The following GGNBP2 variants were observed in gnomAD, a reference collection of about 807,000 sequenced individuals.
The protein encoded by GGNBP2 is gametogenetin-binding protein 2.
GGNBP2 carries 10 observed loss-of-function variants against 85.9 expected under a neutral mutation model. The observed-to-expected ratio is 0.12, with a 90% confidence interval of 0.07 to 0.20. The LOEUF (loss-of-function observed/expected upper bound fraction) is 0.20. GGNBP2 is among the 10% of genes least tolerant of loss of function. The pLI is 1.00. For missense variants in GGNBP2, 595 were observed against 857.8 expected (o/e 0.69, Z 3.83); for synonymous variants, 287 against 285.7 (o/e 1.00, Z -0.05).
rs964794175 is a variant in GGNBP2 at position 36,557,091 on chromosome 17, T to A, written c.183T>A (p.Gly61=). The A allele has an allele frequency of 6.2e-7, 1 of 1,614,008 alleles. No homozygotes were observed. The highest frequency in any genetic ancestry group is 1.3e-5 in the African/African-American group (1 of 74,910). ...TTCTTTCCCTCTTTCAGCGACATGG[T>A]ATGCTTAAGCAACAGGATCTAAGTA... ...AQLKQFIQRH[G]MLKQQDLSIA... Residue 61 remains glycine (G), a synonymous_variant, in exon 4 of 14, where the codon GGT becomes GGA. Transcript: ENST00000613102.
chr17:36,570,958 T>G (rs2074517989), intron 6 of GGNBP2, among the ~76,000 whole-genome samples: 1 of 152,060 alleles, frequency 6.6e-6, no homozygotes, highest in Non-Finnish European at 1.5e-5. Flanking sequence ...AGGCAGAGTT[T>G]GCAGTGAGCT....
At chr17:36,558,083 G>C (rs1479772499) in intron 4 of GGNBP2, among the ~76,000 whole-genome samples, 1 of 150,248 alleles carries the variant, frequency 6.7e-6, no homozygotes, top group African/African-American at 2.5e-5. Flanking sequence ...CTGCAGTCCA[G>C]CCAGGGCGAC....
Position 36,576,629 on chromosome 17 carries a change from G to GTGTGTGTGTGTATATA in GGNBP2, c.642-1353_642-1352insGTGTGTGTGTATATAT, listed in dbSNP as rs1203227585. ...TGTGTGTGTGTGTGTGTGTGTGTGTGTATATGTATATATGTATATGTATAT... is the reference window on the plus strand; with the variant it reads ...TGTGTGTGTGTGTGTGTGTGTGTGTGTGTGTGTGTGTATATATATATGTATATATGTATATGTATAT... On this transcript the variant is annotated intron_variant, in intron 6 of 13. Transcript: ENST00000613102. 3.0e-3 allele frequency: 330 copies of GTGTGTGTGTGTATATA among 111,028 alleles called. 1 individual carries two copies. Among genetic ancestry groups the GTGTGTGTGTGTATATA allele is most frequent in the Middle Eastern group, 9.0e-3 (2 of 222 alleles). 6.9% of individuals were successfully genotyped at this position (111,028 alleles called of 1,614,324 possible). A position where few individuals can be genotyped will look rare whatever the true frequency, so the allele number is the denominator to read the frequency against.
At chr17:36,577,412 T>G (rs2074602159) in intron 6 of GGNBP2, 1 of 153,140 alleles carries the variant, frequency 6.5e-6, no homozygotes, top group South Asian at 2.0e-4. Flanking sequence ...AATTTGGCAT[T>G]TTGGAAATAA....
chr17:36,585,225 G>A, intron 9 of GGNBP2, 75 bp from the exon 10 acceptor site: 1 of 1,282,962 alleles, frequency 7.8e-7, no homozygotes, highest in South Asian at 1.3e-5. Flanking sequence ...GATGAAAATA[G>A]TTTTGATCTA....
chr17:36,560,384 G>C (rs1351874114), intron 4 of GGNBP2, among the ~76,000 whole-genome samples: 2 of 152,188 alleles, frequency 1.3e-5, no homozygotes, highest in Admixed American at 6.5e-5. Context: ...CCTCTTCAAG[G>C]ATGTATTGTG....
intron 2 of GGNBP2, among the ~76,000 whole-genome samples, chr17:36,553,021 CA>C (rs56946600): frequency 0.015 from 1,165 of 76,232 alleles, 6 homozygotes; most frequent in African/African-American, 0.038. Context: ...GACTCTGTCT[CA>C]AAAAAAAAAA....
In GGNBP2 at chr17:36,574,536, A is replaced by T. The variant is rs78393548; in HGVS notation, c.642-3447A>T. 3.5e-4 allele frequency: 142 copies of T among 411,238 alleles called. No homozygotes were observed. In the East Asian group the frequency reaches 7.7e-3, roughly 22 times the overall value. The allele number at this position is 411,238 out of a possible 1,614,324, so 25.5% of individuals were successfully genotyped here. On this transcript the variant is annotated intron_variant, in intron 6 of 13. Coordinates refer to ENST00000613102, the MANE Select transcript of GGNBP2 (RefSeq NM_024835.5). ...TGGGTCTTGACGAGATGGTCAGTGA[A>T]TTCCTGACAGGAAGACTTGATGAAT...
At chr17:36,579,729 G>C (rs2074626868) in intron 8 of GGNBP2, among the ~76,000 whole-genome samples, 1 of 152,210 alleles carries the variant, frequency 6.6e-6, no homozygotes, top group Non-Finnish European at 1.5e-5. Flanking sequence ...TAACTAGTGA[G>C]GCTGGGCATG....
intron 12 of GGNBP2, chr17:36,586,712 A>T: frequency 2.9e-6 from 1 of 339,126 alleles, no homozygotes; most frequent in South Asian, 3.2e-5. Flanking sequence ...TCTGCCTCCC[A>T]GGTTCAAACA....
chr17:36,581,281 T>G lies in GGNBP2; in HGVS notation c.1021-63T>G. 4.4e-6 allele frequency: 5 copies of G among 1,147,644 alleles called. No individual in the cohort carries two copies. In the South Asian group the frequency reaches 7.5e-5, roughly 17 times the overall value. 71.1% of individuals were successfully genotyped at this position (1,147,644 alleles called of 1,614,324 possible). On this transcript the variant is annotated intron_variant, in intron 8 of 13. Coordinates refer to ENST00000613102, the MANE Select transcript of GGNBP2 (RefSeq NM_024835.5). The stretch of plus-strand genomic sequence containing the variant: ...GTCTGGGCGACAGAGCAAGATTCCG[T>G]CTCAAAAAAAAAAGAAAAGAAGTTC...
chr17:36,574,044 A>G (rs764435205), intron 6 of GGNBP2, among the ~76,000 whole-genome samples: 1 of 151,796 alleles, frequency 6.6e-6, no homozygotes, highest in Non-Finnish European at 1.5e-5. Flanking sequence ...GTTTGCAAAT[A>G]TTTTTTCCCA....
intron 5 of GGNBP2, among the ~76,000 whole-genome samples, chr17:36,563,874 G>C (rs1418876594): frequency 1.3e-5 from 2 of 151,764 alleles, no homozygotes; most frequent in Non-Finnish European, 2.9e-5. Context: ...CTCCCAAGTA[G>C]CTGGGATTAC....
intron 8 of GGNBP2, 77 bp from the exon 9 acceptor site, chr17:36,581,267 A>T: frequency 1.0e-6 from 1 of 993,766 alleles, no homozygotes; most frequent in East Asian, 2.4e-5. Flanking sequence ...TCTGGGCGAC[A>T]GAGCAAGATT....
intron 6 of GGNBP2, among the ~76,000 whole-genome samples, chr17:36,572,286 A>T (rs952784015): frequency 6.6e-6 from 1 of 152,130 alleles, no homozygotes; most frequent in African/African-American, 2.4e-5. Context: ...GAAAATGTGA[A>T]CTTGCTGTTT....
intron 4 of GGNBP2, 122 bp from the exon 5 acceptor site, chr17:36,560,651 A>G: frequency 1.7e-6 from 1 of 586,794 alleles, no homozygotes; most frequent in Non-Finnish European, 2.9e-6. Flanking sequence ...TACAGTGGGG[A>G]TAGAGAAAAG....
At chr17:36,562,133 G>T (rs943516981) in intron 5 of GGNBP2, among the ~76,000 whole-genome samples, 2 of 151,854 alleles carry the variant, frequency 1.3e-5, no homozygotes, top group Non-Finnish European at 2.9e-5. Context: ...GGAGAGAATG[G>T]GATATTAAAA....
intron 2 of GGNBP2, among the ~76,000 whole-genome samples, chr17:36,548,544 G>A (rs1271048703): frequency 6.8e-6 from 1 of 146,796 alleles, no homozygotes; most frequent in African/African-American, 2.5e-5. Context: ...GAACCCGGGA[G>A]GTGGAGGTTG....
chr17:36,545,892 A>G, intron 2 of GGNBP2, 75 bp downstream of exon 2: 1 of 1,051,668 alleles, frequency 9.5e-7, no homozygotes, highest in African/African-American at 1.6e-5. Context: ...CCCCAGGCCG[A>G]GCGCTGCGCA....
Sources: gnomAD v4.1 joint callset for allele counts (sites outside exome capture counted in the v4.1 genomes callset) on GRCh38, gnomAD v4.1.1 for gene constraint, MANE v1.5 for transcripts, NCBI Gene and HGNC (gene_info 2026-07-23, HGNC 2026-07-21) for gene names.